The following SCMH1 variants were observed in gnomAD, a reference collection of about 807,000 sequenced individuals.
The protein encoded by SCMH1 is Scm polycomb group protein homolog 1.
A neutral mutation model predicts 70.8 loss-of-function variants in SCMH1; 37 were observed. The observed-to-expected ratio is 0.52, with a 90% CI of 0.40 to 0.69. The LOEUF is 0.69. Among genes scored for constraint, SCMH1 ranks in the 30% least tolerant of loss-of-function variants. SCMH1 has a pLI of 0.00. For missense variants in SCMH1, 607 were observed against 827.3 expected (o/e 0.73, Z 3.27); for synonymous variants, 292 against 307.4 (o/e 0.95, Z 0.52).
At chr1:41,131,618 T>C (rs190887145) in intron 6 of SCMH1, among the ~76,000 whole-genome samples, 1 of 152,342 alleles carries the variant, frequency 6.6e-6, no homozygotes, top group African/African-American at 2.4e-5. Flanking sequence ...GTTTGTCACA[T>C]AGGTATACAG....
At chr1:41,028,410 C>T in intron 14 of SCMH1, 91 bp from the exon 16 acceptor site, 1 of 1,552,766 alleles carries the variant, frequency 6.4e-7, no homozygotes, top group Non-Finnish European at 8.8e-7. Context: ...TATAGGCCAT[C>T]CTGGGAAGTG....
intron 8 of SCMH1, among the ~76,000 whole-genome samples, chr1:41,107,435 T>C (rs1294759340): frequency 6.6e-6 from 1 of 151,936 alleles, no homozygotes; most frequent in East Asian, 1.9e-4. Context: ...GTCTATCAGG[T>C]GACCTCATGT....
chr1:41,037,395 T>C (rs754196807), exon 13 of SCMH1: 2 of 1,614,070 alleles, frequency 1.2e-6, no homozygotes, highest in African/African-American at 2.7e-5. Flanking sequence ...GCTGAGGCAG[T>C]GCTTGGTGGG....
intron 13 of SCMH1, among the ~76,000 whole-genome samples, chr1:41,033,249 G>A (rs2148526194): frequency 6.6e-6 from 1 of 151,426 alleles, no homozygotes; most frequent in South Asian, 2.1e-4. Flanking sequence ...TTGAGCCACT[G>A]TACTCCAGCC....
At position 41,028,604 on chromosome 1, in the gene SCMH1, C is replaced by T. The variant is rs367631516; in HGVS notation, c.1801G>A (p.Ala601Thr). The change falls in exon 14 of 15, where the codon GCT becomes ACT. Residue 601 changes from alanine to threonine, a missense_variant. Physicochemically the swap from Ala to Thr is moderately conservative, Grantham distance 58. Around this residue, in one of 3 missense-constraint regions of SCMH1, gnomAD observed 430 missense variants for 528.2 expected, o/e 0.81. Coordinates refer to ENST00000337495, the Ensembl canonical transcript of SCMH1. ...CCTACGTGTTTGCGAAACAGGTCAG[C>T]GTGGGGTCCAAGCTGAGGATCAGCT... The T allele has an allele frequency of 7.9e-5, 127 of 1,614,050 alleles. No individual in the cohort carries two copies. The highest frequency in any genetic ancestry group is 1.0e-4 in the Admixed American group (6 of 59,994).
chr1:41,081,564 C>G (rs1473401014), intron 8 of SCMH1, among the ~76,000 whole-genome samples: 1 of 152,104 alleles, frequency 6.6e-6, no homozygotes, highest in Non-Finnish European at 1.5e-5. Context: ...ATGCCTGTAA[C>G]CCCAGCACTC....
In SCMH1 at chr1:41,046,190, G is replaced by C. The variant is rs116501143; in HGVS notation, c.1498+217C>G. Among the ~76,000 whole-genome samples the C allele has an allele frequency of 3.0e-3, 452 of 152,328 alleles. 1 individual carries two copies. Among genetic ancestry groups the C allele is most frequent in the African/African-American group, 0.01 (425 of 41,578 alleles). ...TAGGGATAAGGATCTAGAAGAAATA[G>C]GGGTGATCCTAGAGACAGAAAACAA... On this transcript the variant is annotated intron_variant, in intron 12 of 14. Coordinates refer to ENST00000337495, the Ensembl canonical transcript of SCMH1.
chr1:41,223,713 C>G (rs953741539), intron 1 of SCMH1, among the ~76,000 whole-genome samples: 1 of 152,060 alleles, frequency 6.6e-6, no homozygotes, highest in Non-Finnish European at 1.5e-5. Context: ...CTCAGTGGTT[C>G]ATATATCATA....
intron 1 of SCMH1, among the ~76,000 whole-genome samples, chr1:41,230,603 A>G (rs1055619197): frequency 8.6e-5 from 13 of 151,928 alleles, no homozygotes; most frequent in African/African-American, 3.1e-4. Flanking sequence ...GGCAGCAGTG[A>G]GCTATGATCG....
intron 9 of SCMH1, among the ~76,000 whole-genome samples, chr1:41,074,290 T>C (rs1571822286): frequency 6.6e-6 from 1 of 152,168 alleles, no homozygotes; most frequent in African/African-American, 2.4e-5. Context: ...ACCTTGGAAG[T>C]AGATCTAAGG....
At chr1:41,057,094 T>C (rs1297884038) in intron 10 of SCMH1, among the ~76,000 whole-genome samples, 2 of 152,134 alleles carry the variant, frequency 1.3e-5, no homozygotes, top group African/African-American at 4.8e-5. Flanking sequence ...CAGGCCATTC[T>C]ATCCAACCCA....
chr1:41,215,893 T>C (rs1241840888), intron 1 of SCMH1, among the ~76,000 whole-genome samples: 4 of 152,148 alleles, frequency 2.6e-5, no homozygotes, highest in African/African-American at 9.7e-5. Flanking sequence ...TGAATTTAAA[T>C]ATACTCAGAA....
At chr1:41,062,908 G>C (rs1382713532) in intron 10 of SCMH1, among the ~76,000 whole-genome samples, 1 of 109,220 alleles carries the variant, frequency 9.2e-6, no homozygotes, top group Non-Finnish European at 1.7e-5. Flanking sequence ...GACAGTGTGA[G>C]ACTCCATCTC....
At chr1:41,075,267 A>T in exon 9 of SCMH1, 1 of 1,614,088 alleles carries the variant, frequency 6.2e-7, no homozygotes. Flanking sequence ...TCAAAGGTTC[A>T]GCTGTCTTGG....
chr1:41,092,105 C>T (rs985407092), intron 8 of SCMH1, among the ~76,000 whole-genome samples: 2 of 152,152 alleles, frequency 1.3e-5, no homozygotes, highest in Admixed American at 1.3e-4. Context: ...AGGCATCACG[C>T]TACCTGACTT....
intron 4 of SCMH1, among the ~76,000 whole-genome samples, chr1:41,158,261 A>G (rs536959485): frequency 3.9e-5 from 6 of 152,326 alleles, no homozygotes; most frequent in Admixed American, 2.0e-4. Flanking sequence ...TGTAATCAAA[A>G]TATCATCCTT....
At chr1:41,190,303 T>C (rs1386162521) in intron 1 of SCMH1, among the ~76,000 whole-genome samples, 1 of 152,210 alleles carries the variant, frequency 6.6e-6, no homozygotes, top group Non-Finnish European at 1.5e-5. Context: ...GGATTTCATG[T>C]AGGAGAGAGA....
At chr1:41,167,776 G>A (rs538047920) in intron 2 of SCMH1, among the ~76,000 whole-genome samples, 53 of 152,064 alleles carry the variant, frequency 3.5e-4, no homozygotes, top group Non-Finnish European at 6.6e-4. Context: ...GTTCTCTTCC[G>A]AATTCCCTTT....
At position 41,116,908 on chromosome 1, in the gene SCMH1, G is replaced by C. The variant is rs757907985; in HGVS notation, c.501+14C>G. 3.8e-6 allele frequency: 6 copies of C among 1,590,298 alleles called. No individual in the cohort carries two copies. The African/African-American group carries it at 8.1e-5, about 21-fold the overall frequency. On this transcript the variant is annotated intron_variant, in intron 7 of 14. Coordinates refer to ENST00000337495, the Ensembl canonical transcript of SCMH1. Reference sequence around the variant, plus strand: ...AAGCAGCCTGGAGCTGGTGATATCTGAGGGATAGCCTACCTTGTGGAAAAT... The same window carrying C: ...AAGCAGCCTGGAGCTGGTGATATCTCAGGGATAGCCTACCTTGTGGAAAAT...
Sources: allele counts gnomAD v4.1 joint callset (sites outside exome capture counted in the v4.1 genomes callset), GRCh38; gene constraint gnomAD v4.1.1; regional missense constraint gnomAD v4.1.1; transcripts MANE v1.5; gene names NCBI Gene and HGNC (gene_info 2026-07-23, HGNC 2026-07-21).